The following SHANK2 variants were observed in gnomAD, a reference collection of about 807,000 sequenced individuals.
SHANK2 encodes the protein SH3 and multiple ankyrin repeat domains 2.
Under a neutral mutation model 133.7 loss-of-function variants are expected in SHANK2, and 43 were observed. The observed-to-expected ratio is 0.32, with a 90% CI of 0.25 to 0.41. SHANK2 has a LOEUF of 0.41. Among genes scored for constraint, SHANK2 ranks in the 10% least tolerant of loss-of-function variants. The probability of loss-of-function intolerance (pLI) is 1.00; values close to 1 mark genes in which losing one functional copy is unlikely to be tolerated. For synonymous variants in SHANK2, 1,017 were observed against 952.8 expected, an observed-to-expected ratio of 1.07 and a Z score of -1.24; for missense variants, 1,994 against 2,235.8, an observed-to-expected ratio of 0.89 and a Z score of 2.18.
intron 11 of SHANK2, among the ~76,000 whole-genome samples, chr11:70,835,473 T>C (rs11237649): frequency 0.16 from 24,902 of 152,166 alleles, 2,666 homozygotes; most frequent in Non-Finnish European, 0.23. Flanking sequence ...CCACCAGTTC[T>C]TGGGGACATG....
In SHANK2 at chr11:71,104,385, A is replaced by G. The variant is rs543372313; in HGVS notation, c.592+5556T>C. Among the ~76,000 whole-genome samples the G allele has an allele frequency of 1.1e-4, 17 of 152,284 alleles. No individual in the cohort carries two copies. In the South Asian group the frequency reaches 3.5e-3, roughly 32 times the overall value. On this transcript the variant is annotated intron_variant, in intron 6 of 25. Transcript: ENST00000601538. ...GGCCCCCCCCATCCTGCATCTCTGAAGCCCAGTGTCTCCAACAGTGATGTC... is the reference window on the plus strand; with the variant it reads ...GGCCCCCCCCATCCTGCATCTCTGAGGCCCAGTGTCTCCAACAGTGATGTC...
intron 17 of SHANK2, among the ~76,000 whole-genome samples, chr11:70,652,557 C>G (rs2061350139): frequency 6.6e-6 from 1 of 152,236 alleles, no homozygotes; most frequent in South Asian, 2.1e-4. Context: ...CATCTTTAGT[C>G]CCAGTACTTC....
chr11:70,619,775 C>A (rs568342872), intron 17 of SHANK2, among the ~76,000 whole-genome samples: 3 of 152,260 alleles, frequency 2.0e-5, no homozygotes, highest in East Asian at 1.9e-4. Context: ...CTCCATGAGG[C>A]GTGCTAGTCA....
chr11:70,577,967 C>T (rs565357731), intron 17 of SHANK2, among the ~76,000 whole-genome samples: 119 of 152,210 alleles, frequency 7.8e-4, no homozygotes, highest in African/African-American at 2.2e-3. Context: ...CAGCTGAATG[C>T]GAGCCCAGGA....
At chr11:70,802,402 G>C (rs1948065859) in intron 13 of SHANK2, among the ~76,000 whole-genome samples, 1 of 151,998 alleles carries the variant, frequency 6.6e-6, no homozygotes, top group African/African-American at 2.4e-5. Flanking sequence ...GGATGGGTCA[G>C]GGGTGGCTCC....
At chr11:71,129,478 A>C (rs1360836601) in intron 3 of SHANK2, among the ~76,000 whole-genome samples, 1 of 152,160 alleles carries the variant, frequency 6.6e-6, no homozygotes, top group Non-Finnish European at 1.5e-5. Context: ...CTCTACGAAA[A>C]ATGAAAATTT....
At chr11:70,884,677 A>G (rs112988559) in intron 11 of SHANK2, among the ~76,000 whole-genome samples, 3 of 152,314 alleles carry the variant, frequency 2.0e-5, no homozygotes, top group African/African-American at 7.2e-5. Flanking sequence ...TTCCTGCTTC[A>G]TAGAACAGTG....
rs1555100967 is a variant in SHANK2, at chr11:71,119,003, T to C, written c.237A>G (p.Thr79=). The change falls in exon 4 of 26, where the codon ACA becomes ACG. Residue 79 remains threonine, a synonymous_variant. Coordinates refer to ENST00000601538, the MANE Select transcript of SHANK2 (RefSeq NM_012309.5). The part of the protein sequence containing the change: ...TKCIRFNPDA[T]VWVAKQRILC... ...GGATCCGCTGCTTTGCAACCCACAC[T>C]GTGGCATCCGGGTTAAATCGAATGC... 6.4e-7 allele frequency: 1 copy of C among 1,551,720 alleles called. No homozygotes were observed. The highest frequency in any genetic ancestry group is 1.2e-5 in the South Asian group (1 of 84,058).
In SHANK2 at chr11:70,739,188, C is replaced by T. The variant is rs2066003156; in HGVS notation, c.1778-40425G>A. The stretch of plus-strand genomic sequence containing the variant: ...CCTGACCCACCAGCAACCAACTGAA[C>T]CTCAGCCAGAGGGCCTGATGGTGGG... On this transcript the variant is annotated intron_variant, in intron 14 of 25. Coordinates refer to ENST00000601538, the MANE Select transcript of SHANK2 (RefSeq NM_012309.5). This position sits in a 1 kb window ranked among gnomAD's most constrained non-coding sequence, Gnocchi z 4.3. Among the ~76,000 whole-genome samples, 1 of 152,226 alleles carries T rather than the reference C, an allele frequency of 6.6e-6. No homozygotes were observed. The highest frequency in any genetic ancestry group is 2.4e-5 in the African/African-American group (1 of 41,458).
intron 11 of SHANK2, among the ~76,000 whole-genome samples, chr11:70,868,070 C>T (rs1205115375): frequency 2.6e-5 from 4 of 152,230 alleles, no homozygotes; most frequent in South Asian, 2.1e-4. Flanking sequence ...AAGGGCCCGG[C>T]GCTGGCAGTA....
chr11:70,854,635 C>A (rs1218278455), intron 11 of SHANK2, among the ~76,000 whole-genome samples: 1 of 152,182 alleles, frequency 6.6e-6, no homozygotes, highest in East Asian at 1.9e-4. Flanking sequence ...GCAGAAGTGG[C>A]CCAAATGGAA....
At chr11:70,578,402 G>C (rs782645036) in intron 17 of SHANK2, among the ~76,000 whole-genome samples, 1 of 152,220 alleles carries the variant, frequency 6.6e-6, no homozygotes, top group Non-Finnish European at 1.5e-5. Context: ...CCTGAGGATG[G>C]TGATGTTGTT....
chr11:71,189,724 C>T (rs1156664869), intron 2 of SHANK2, among the ~76,000 whole-genome samples: 1 of 152,262 alleles, frequency 6.6e-6, no homozygotes, highest in African/African-American at 2.4e-5. Flanking sequence ...CCCACCAACA[C>T]TCAGAGAGGA....
chr11:70,885,079 G>A (rs1555073144), intron 11 of SHANK2, among the ~76,000 whole-genome samples: 2 of 152,184 alleles, frequency 1.3e-5, no homozygotes, highest in Non-Finnish European at 1.5e-5. Context: ...AGTTTCATTT[G>A]AGGATAATGA....
At chr11:70,815,645 T>G (rs1293302935) in intron 12 of SHANK2, among the ~76,000 whole-genome samples, 2 of 152,134 alleles carry the variant, frequency 1.3e-5, no homozygotes, top group Admixed American at 1.3e-4. Flanking sequence ...GGCACCTCCA[T>G]GCAGGAAGCA....
At chr11:70,944,460 C>G (rs540039839) in intron 10 of SHANK2, among the ~76,000 whole-genome samples, 3 of 152,206 alleles carry the variant, frequency 2.0e-5, no homozygotes, top group Non-Finnish European at 4.4e-5. Context: ...GGGGCCGATT[C>G]GAGAACACGT....
intron 6 of SHANK2, among the ~76,000 whole-genome samples, chr11:71,105,636 G>A (rs1555097718): frequency 6.6e-6 from 1 of 151,510 alleles, no homozygotes; most frequent in Non-Finnish European, 1.5e-5. Context: ...CAGCTGCCAG[G>A]GGCTCAGGGA....
chr11:71,167,789 C>T (rs532269187), intron 2 of SHANK2, among the ~76,000 whole-genome samples: 2,750 of 138,490 alleles, frequency 0.02, 38 homozygotes, highest in Non-Finnish European at 0.029. Context: ...GCTGGCCGGG[C>T]GGGGGGCTGA....
At chr11:71,146,411 T>C (rs1555106695) in intron 3 of SHANK2, among the ~76,000 whole-genome samples, 1 of 152,176 alleles carries the variant, frequency 6.6e-6, no homozygotes, top group Admixed American at 6.5e-5. Context: ...GCCACACCCC[T>C]TCCTCTGCAC....
Sources: gnomAD v4.1 joint callset for allele counts (sites outside exome capture counted in the v4.1 genomes callset) on GRCh38, gnomAD v4.1.1 for gene constraint, Gnocchi (gnomAD v3.1) non-coding constraint, MANE v1.5 for transcripts, NCBI Gene and HGNC (gene_info 2026-07-23, HGNC 2026-07-21) for gene names.